The following ALK variants were observed in gnomAD, a reference collection of about 807,000 sequenced individuals.
The protein encoded by ALK is ALK tyrosine kinase receptor.
Under a neutral mutation model 163.1 loss-of-function variants are expected in ALK, and 74 were observed. The observed-to-expected ratio is 0.45, with a 90% CI of 0.38 to 0.55. The LOEUF is 0.55. Ranked by LOEUF, ALK falls within the 20% of genes least tolerant of loss-of-function variation. The pLI, the probability that ALK is intolerant of heterozygous loss-of-function variation, is 0.00. For missense variants in ALK, 2,063 were observed against 2,105.3 expected (o/e 0.98, Z 0.39); for synonymous variants, 960 against 843.2 (o/e 1.14, Z -2.40).
intron 1 of ALK, among the ~76,000 whole-genome samples, chr2:29,832,572 A>G (rs1235471879): frequency 2.6e-5 from 4 of 152,366 alleles, no homozygotes; most frequent in African/African-American, 7.2e-5. Flanking sequence ...GTATGTGGGT[A>G]TTTTGCCCAG....
intron 3 of ALK, among the ~76,000 whole-genome samples, chr2:29,682,255 G>A (rs188792927): frequency 1.7e-4 from 26 of 152,266 alleles, no homozygotes; most frequent in African/African-American, 5.8e-4. Flanking sequence ...AATGAATGAA[G>A]CACTCATTTG....
chr2:29,584,164 G>T (rs1467438147), intron 3 of ALK, among the ~76,000 whole-genome samples: 1 of 152,098 alleles, frequency 6.6e-6, no homozygotes, highest in African/African-American at 2.4e-5. Context: ...ATGAGAAGGA[G>T]ACCCTAGGAA....
At chr2:29,288,684 C>T (rs546256677) in intron 9 of ALK, among the ~76,000 whole-genome samples, 202 of 152,236 alleles carry the variant, frequency 1.3e-3, no homozygotes, top group Middle Eastern at 6.8e-3. Flanking sequence ...GGTGCGGTGG[C>T]TCATGCCTGT....
chr2:29,193,873 A>G lies in ALK; in HGVS notation c.4214T>C (p.Val1405Ala), dbSNP rs777760767. The G allele has an allele frequency of 1.2e-5, 19 of 1,613,908 alleles. No individual in the cohort carries two copies. In the Admixed American group the frequency reaches 1.3e-4, roughly 11 times the overall value. Residue 1405 changes from valine (V) to alanine (A), a missense_variant, in exon 29 of 29, where the codon GTG (valine) becomes GCG (alanine). Transcript: ENST00000389048. ...CACAGGCACTTTCTCTTCCTCTTCC[A>G]CAAGTGGACCATATTCTATCGGCAA... ...TALPIEYGPL[V>A]EEEEKVPVRP...
intron 8 of ALK, among the ~76,000 whole-genome samples, chr2:29,308,999 T>A (rs1666622643): frequency 6.6e-6 from 1 of 152,158 alleles, no homozygotes; most frequent in Non-Finnish European, 1.5e-5. Context: ...TCAGTCACAC[T>A]GTCATGGTGT....
At chr2:29,587,199 C>A (rs1439040268) in intron 3 of ALK, among the ~76,000 whole-genome samples, 1 of 152,192 alleles carries the variant, frequency 6.6e-6, no homozygotes, top group Non-Finnish European at 1.5e-5. Flanking sequence ...GCACAGACAC[C>A]AAGTCCCTGG....
At chr2:29,441,581 A>C (rs959355149) in intron 4 of ALK, among the ~76,000 whole-genome samples, 5 of 152,206 alleles carry the variant, frequency 3.3e-5, no homozygotes, top group African/African-American at 1.2e-4. Flanking sequence ...GCTATTTTTC[A>C]ATTGATCTGG....
intron 4 of ALK, among the ~76,000 whole-genome samples, chr2:29,399,949 T>C (rs1482116901): frequency 6.6e-6 from 1 of 152,170 alleles, no homozygotes; most frequent in Non-Finnish European, 1.5e-5. Context: ...ACACAGACAC[T>C]AGGATCCTAG....
chr2:29,353,914 T>C (rs1024848923), intron 5 of ALK, among the ~76,000 whole-genome samples: 5 of 152,198 alleles, frequency 3.3e-5, no homozygotes, highest in Admixed American at 1.3e-4. Context: ...CTGATTAGGA[T>C]GTTGAGACTC....
chr2:29,396,206 T>C (rs1669299039), intron 4 of ALK, among the ~76,000 whole-genome samples: 1 of 152,152 alleles, frequency 6.6e-6, no homozygotes, highest in African/African-American at 2.4e-5. Flanking sequence ...TGGTGGCAAG[T>C]ATCCTGGATA....
At chr2:29,238,260 G>A (rs748435413) in intron 13 of ALK, among the ~76,000 whole-genome samples, 3 of 152,078 alleles carry the variant, frequency 2.0e-5, no homozygotes, top group African/African-American at 7.2e-5. Flanking sequence ...GCAGTGGTGC[G>A]ATCTTGGCTC....
At chr2:29,596,014 A>G (rs1675204244) in intron 3 of ALK, among the ~76,000 whole-genome samples, 1 of 152,208 alleles carries the variant, frequency 6.6e-6, no homozygotes, top group African/African-American at 2.4e-5. Context: ...AGAGTAAACG[A>G]GTGTCCACTT....
rs190626024 is a variant in ALK at position 29,758,754 on chromosome 2, C to G, written c.668-41057G>C. On this transcript the variant is annotated intron_variant, in intron 1 of 28. Coordinates refer to ENST00000389048, the MANE Select transcript of ALK (RefSeq NM_004304.5). ...TCTTCTTCAATTAAAAAGGCTTTAG[C>G]CAAAATGAATTCCTACCTCTGTCAG... 9.3e-4 allele frequency among the ~76,000 whole-genome samples: 142 copies of G among 152,248 alleles called. 2 individuals carry two copies. The highest frequency in any genetic ancestry group is 9.1e-3 in the Admixed American group (139 of 15,294).
chr2:29,200,849 A>ATAT (rs1451539541), intron 26 of ALK, among the ~76,000 whole-genome samples: 1 of 146,402 alleles, frequency 6.8e-6, no homozygotes, highest in South Asian at 2.1e-4. Context: ...GTGTGTATAT[A>ATAT]GATACGTATA....
At chr2:29,743,139 T>C (rs1680107096) in intron 1 of ALK, among the ~76,000 whole-genome samples, 1 of 152,224 alleles carries the variant, frequency 6.6e-6, no homozygotes, top group South Asian at 2.1e-4. Flanking sequence ...CCCCTATCCA[T>C]GGGTAGGAGC....
chr2:29,494,993 A>G (rs1671991170), intron 4 of ALK, among the ~76,000 whole-genome samples: 1 of 152,212 alleles, frequency 6.6e-6, no homozygotes, highest in South Asian at 2.1e-4. Context: ...CTCACCTGCG[A>G]TAGCAGACTG....
At chr2:29,814,084 G>A (rs13397821) in intron 1 of ALK, among the ~76,000 whole-genome samples, 264 of 152,322 alleles carry the variant, frequency 1.7e-3, no homozygotes, top group African/African-American at 6.1e-3. Context: ...CAACAGCCCA[G>A]ACTCAGGTCC....
At chr2:29,477,186 G>T (rs570340583) in intron 4 of ALK, among the ~76,000 whole-genome samples, 9 of 152,102 alleles carry the variant, frequency 5.9e-5, no homozygotes, top group Non-Finnish European at 8.8e-5. Flanking sequence ...GGGGTGGAAG[G>T]TCTGAGTGGG....
At chr2:29,874,331 G>A (rs186509876) in intron 1 of ALK, among the ~76,000 whole-genome samples, 9 of 151,266 alleles carry the variant, frequency 5.9e-5, no homozygotes, top group Admixed American at 2.0e-4. Flanking sequence ...GACAAAGGCT[G>A]ACATAGTTGA....
Sources: allele counts gnomAD v4.1 joint callset (sites outside exome capture counted in the v4.1 genomes callset), GRCh38; gene constraint gnomAD v4.1.1; transcripts MANE v1.5; gene names NCBI Gene and HGNC (gene_info 2026-07-23, HGNC 2026-07-21).